ARHGAP10: variants seen among roughly 807,000 people sequenced by gnomAD.
ARHGAP10 encodes the protein Rho GTPase activating protein 10.
Under a neutral mutation model 108.6 loss-of-function variants are expected in ARHGAP10, and 87 were observed. That is an observed-to-expected ratio of 0.80 (90% CI 0.67 to 0.96). The LOEUF is 0.96. Ranked by LOEUF, ARHGAP10 falls within the 40% of genes least tolerant of loss-of-function variation. The pLI is 0.00. For missense variants in ARHGAP10, 939 were observed against 954.5 expected (o/e 0.98, Z 0.21); for synonymous variants, 347 against 341.1 (o/e 1.02, Z -0.19).
At chr4:148,005,496 A>G (rs1009837571) in intron 18 of ARHGAP10, among the ~76,000 whole-genome samples, 4 of 152,228 alleles carry the variant, frequency 2.6e-5, no homozygotes, top group African/African-American at 7.2e-5. Flanking sequence ...ATTATCAATT[A>G]TTATGGCCCT....
intron 3 of ARHGAP10, among the ~76,000 whole-genome samples, chr4:147,832,013 A>G (rs1483447655): frequency 6.6e-6 from 1 of 152,036 alleles, no homozygotes; most frequent in African/African-American, 2.4e-5. Context: ...TGAATTTCAT[A>G]TCCTTAGGGT....
intron 10 of ARHGAP10, 140 bp from the exon 11 acceptor site, chr4:147,906,498 G>T: frequency 1.4e-6 from 1 of 720,472 alleles, no homozygotes; most frequent in Non-Finnish European, 2.3e-6. Context: ...CTTAAAAATC[G>T]TTAAGATGAT....
intron 1 of ARHGAP10, among the ~76,000 whole-genome samples, chr4:147,742,748 G>C (rs1367892277): frequency 6.6e-6 from 1 of 151,792 alleles, no homozygotes; most frequent in Non-Finnish European, 1.5e-5. Context: ...GCCTCCCAAA[G>C]TTCTAGGATT....
chr4:147,844,117 T>C (rs1302601392), intron 3 of ARHGAP10, among the ~76,000 whole-genome samples: 1 of 152,212 alleles, frequency 6.6e-6, no homozygotes, highest in East Asian at 1.9e-4. Context: ...TAGTGTGTGC[T>C]CCCAGCTGCT....
chr4:147,861,074 C>G (rs899215933), intron 5 of ARHGAP10: 1 of 152,252 alleles, frequency 6.6e-6, no homozygotes, highest in African/African-American at 2.4e-5. Context: ...GCCTGCTCTT[C>G]CTGGCAGGCT....
chr4:148,029,094 A>G (rs1316644466), intron 19 of ARHGAP10, among the ~76,000 whole-genome samples: 1 of 152,178 alleles, frequency 6.6e-6, no homozygotes, highest in Non-Finnish European at 1.5e-5. Flanking sequence ...ATGTCTTGGT[A>G]TAAATAGTGT....
At chr4:148,053,841 C>A (rs901861476) in intron 20 of ARHGAP10, among the ~76,000 whole-genome samples, 1 of 152,142 alleles carries the variant, frequency 6.6e-6, no homozygotes, top group Non-Finnish European at 1.5e-5. Flanking sequence ...TTGGCACTTG[C>A]GTGTGGCCTA....
intron 18 of ARHGAP10, among the ~76,000 whole-genome samples, chr4:147,973,006 T>G (rs1739467125): frequency 6.6e-6 from 1 of 152,032 alleles, no homozygotes; most frequent in Non-Finnish European, 1.5e-5. Flanking sequence ...CCACCGGCCT[T>G]GGTTTCCTAA....
intron 3 of ARHGAP10, among the ~76,000 whole-genome samples, chr4:147,840,531 C>A (rs757008991): frequency 1.6e-4 from 25 of 152,076 alleles, no homozygotes; most frequent in African/African-American, 5.6e-4. Context: ...TCTAATCTAA[C>A]GGGGGATGCA....
chr4:147,939,045 T>C (rs1738065496), intron 13 of ARHGAP10, among the ~76,000 whole-genome samples: 2 of 152,236 alleles, frequency 1.3e-5, no homozygotes, highest in Non-Finnish European at 2.9e-5. Context: ...CCTTTCAGGA[T>C]GCAACTTTAA....
chr4:147,847,107 G>A (rs751991572), intron 3 of ARHGAP10, 44 bp from the exon 4 acceptor site: 4 of 1,518,864 alleles, frequency 2.6e-6, no homozygotes, highest in Non-Finnish European at 2.7e-6. Context: ...TTCCTTTTTG[G>A]AAACCTAATG....
intron 18 of ARHGAP10, among the ~76,000 whole-genome samples, chr4:147,971,007 T>G (rs1035918662): frequency 6.7e-6 from 1 of 149,930 alleles, no homozygotes; most frequent in East Asian, 2.0e-4. Flanking sequence ...GCAGAAGAAT[T>G]GCTTGAACCC....
intron 10 of ARHGAP10, among the ~76,000 whole-genome samples, chr4:147,896,897 TC>T (rs1258668701): frequency 1.3e-5 from 2 of 152,180 alleles, no homozygotes; most frequent in Non-Finnish European, 2.9e-5. Flanking sequence ...CTGGAGATAT[TC>T]CACATGTAAT....
At chr4:147,890,818 C>T (rs760260991) in intron 10 of ARHGAP10, among the ~76,000 whole-genome samples, 47 of 152,002 alleles carry the variant, frequency 3.1e-4, no homozygotes, top group Non-Finnish European at 5.3e-4. Context: ...CAGAGCGAGA[C>T]TCCATCACAA....
At chr4:147,942,657 T>C (rs1738203007) in intron 14 of ARHGAP10, among the ~76,000 whole-genome samples, 1 of 152,048 alleles carries the variant, frequency 6.6e-6, no homozygotes. Context: ...CTCCCCTAAT[T>C]CCCAGCTGGC....
rs76726928 is a variant in ARHGAP10 at position 147,853,863 on chromosome 4, T to C, written c.385-3690T>C. Among the ~76,000 whole-genome samples the C allele has an allele frequency of 9.7e-3, 1,474 of 152,292 alleles. 9 individuals carry two copies. Among genetic ancestry groups the C allele is most frequent in the Non-Finnish European group, 0.017 (1,130 of 68,028 alleles). On this transcript the variant is annotated intron_variant, in intron 4 of 22. Coordinates refer to ENST00000336498, the MANE Select transcript of ARHGAP10 (RefSeq NM_024605.4). ...TGGCTTCATTGTTTACTTGTGACTC[T>C]TTCAATCCATCTGGAATTAATTTTG...
At position 147,789,169 on chromosome 4, in the gene ARHGAP10, G is replaced by T. The variant is rs574054768; in HGVS notation, c.155-33558G>T. On this transcript the variant is annotated intron_variant, in intron 1 of 22. Coordinates refer to ENST00000336498, the MANE Select transcript of ARHGAP10 (RefSeq NM_024605.4). Reference sequence around the variant, plus strand: ...ACTATCTGCTGCTTTCCATTCAGTCGTGGAGAAGTCAATTCAACTGTAAGC... The same window carrying T: ...ACTATCTGCTGCTTTCCATTCAGTCTTGGAGAAGTCAATTCAACTGTAAGC... Among the ~76,000 whole-genome samples the T allele has an allele frequency of 9.8e-5, 15 of 152,288 alleles. 1 individual carries two copies. In the South Asian group the frequency reaches 2.3e-3, roughly 23 times the overall value.
chr4:147,901,884 A>C lies in ARHGAP10; in HGVS notation c.1035-4754A>C, dbSNP rs142400532. On this transcript the variant is annotated intron_variant, in intron 10 of 22. Transcript: ENST00000336498. Reference sequence around the variant, plus strand: ...CTTGAGTTAATATTATTTTTCCTCCACATATGAGCATCAGTGGAAAACTTT... The same window carrying C: ...CTTGAGTTAATATTATTTTTCCTCCCCATATGAGCATCAGTGGAAAACTTT... Among the ~76,000 whole-genome samples the C allele has an allele frequency of 2.3e-3, 354 of 152,328 alleles. 1 individual carries two copies. The highest frequency in any genetic ancestry group is 6.7e-3 in the African/African-American group (279 of 41,588).
chr4:148,008,442 T>G (rs971315431), intron 18 of ARHGAP10, among the ~76,000 whole-genome samples: 2 of 151,738 alleles, frequency 1.3e-5, no homozygotes, highest in African/African-American at 4.8e-5. Flanking sequence ...CATTTGGTAG[T>G]GTCTAGAGAC....
Sources: allele counts gnomAD v4.1 joint callset (sites outside exome capture counted in the v4.1 genomes callset), GRCh38; gene constraint gnomAD v4.1.1; transcripts MANE v1.5; gene names NCBI Gene and HGNC (gene_info 2026-07-23, HGNC 2026-07-21).